CTPS2: variants seen among roughly 807,000 people sequenced by gnomAD.
CTPS2 encodes CTP synthase 2.
CTPS2 carries 19 observed loss-of-function variants against 46.8 expected under a neutral mutation model. The observed-to-expected ratio is 0.41, with a 90% CI of 0.28 to 0.60. The LOEUF (loss-of-function observed/expected upper bound fraction) is 0.60. CTPS2 is among the 20% of genes least tolerant of loss of function. The probability of loss-of-function intolerance (pLI) is 0.35; values close to 1 mark genes in which losing one functional copy is unlikely to be tolerated. For missense variants in CTPS2, 286 were observed against 447.6 expected (o/e 0.64, Z 3.26); for synonymous variants, 151 against 165.2 (o/e 0.91, Z 0.66).
chrX:16,643,187 A>G (rs983028708), intron 13 of CTPS2, among the ~76,000 whole-genome samples: 1 of 111,591 alleles, frequency 9.0e-6, no homozygotes, highest in Non-Finnish European at 1.9e-5. Flanking sequence ...AGTCTACAGG[A>G]GTTAGGTTCT....
chrX:16,634,170 A>G (rs1931624040), intron 14 of CTPS2, among the ~76,000 whole-genome samples: 1 of 112,100 alleles, frequency 8.9e-6, no homozygotes, highest in African/African-American at 3.2e-5. Flanking sequence ...GGAAAAGACC[A>G]TGGATATGCA....
intron 10 of CTPS2, among the ~76,000 whole-genome samples, chrX:16,674,620 C>CTT (rs1922072700): frequency 9.5e-6 from 1 of 105,517 alleles, no homozygotes; most frequent in African/African-American, 3.5e-5. Context: ...GGGCAGATCA[C>CTT]GAGGTCAGGA....
chrX:16,692,419 A>T (rs1250093605), intron 6 of CTPS2, among the ~76,000 whole-genome samples: 1 of 110,545 alleles, frequency 9.0e-6, no homozygotes, highest in Non-Finnish European at 1.9e-5. Context: ...GTGAGCCAAG[A>T]TCACACCACT....
chrX:16,645,962 G>A (rs1430343140), intron 13 of CTPS2, among the ~76,000 whole-genome samples: 1 of 112,382 alleles, frequency 8.9e-6, no homozygotes, highest in Non-Finnish European at 1.9e-5. Flanking sequence ...CTTGATCTGG[G>A]ACTTCCCAGC....
At chrX:16,670,469 A>C (rs770961699) in intron 11 of CTPS2, 111 bp downstream of exon 11, 6 of 553,649 alleles carry the variant, frequency 1.1e-5, no homozygotes, top group African/African-American at 9.4e-5. Flanking sequence ...TGGCACCTGA[A>C]CTTTCAAATC....
At chrX:16,682,239 C>G (rs192899371) in intron 9 of CTPS2, among the ~76,000 whole-genome samples, 2 of 112,469 alleles carry the variant, frequency 1.8e-5, no homozygotes, top group Non-Finnish European at 3.7e-5. Flanking sequence ...AATCCCAGCA[C>G]TTTGAGAGGC....
intron 16 of CTPS2, among the ~76,000 whole-genome samples, chrX:16,612,632 T>C (rs962203488): frequency 8.9e-6 from 1 of 112,478 alleles, no homozygotes; most frequent in African/African-American, 3.2e-5. Flanking sequence ...TTCTAAATGA[T>C]GGGCATTTCC....
chrX:16,670,761 C>T, intron 10 of CTPS2, 87 bp from the exon 11 acceptor site: 1 of 567,527 alleles, frequency 1.8e-6, no homozygotes, highest in Non-Finnish European at 2.8e-6. Context: ...ATGCTTGGTC[C>T]AATCACTAGT....
In CTPS2 at chrX:16,692,281, AACAC is replaced by A. The variant is rs776817822; in HGVS notation, c.640-665_640-662del. Among the ~76,000 whole-genome samples the A allele has an allele frequency of 9.4e-5, 10 of 106,090 alleles. No individual in the cohort carries two copies. The South Asian group carries it at 2.1e-3, about 22-fold the overall frequency. 92.1% of individuals were successfully genotyped at this position (106,090 alleles called of 115,157 possible). On this transcript the variant is annotated intron_variant, in intron 6 of 18. Coordinates refer to ENST00000359276, the MANE Select transcript of CTPS2 (RefSeq NM_175859.3). ...AACATAGCAAAACCCTGTCTCTACA[AACAC>A]ACACACACACACACACACACACCAC...
intron 17 of CTPS2, among the ~76,000 whole-genome samples, chrX:16,603,321 G>T (rs1012115102): frequency 9.1e-6 from 1 of 109,632 alleles, no homozygotes; most frequent in Admixed American, 9.9e-5. Flanking sequence ...GGAGGCTGAG[G>T]CAGAGAATTG....
At chrX:16,700,771 G>C (rs746737601) in intron 2 of CTPS2, among the ~76,000 whole-genome samples, 1 of 111,089 alleles carries the variant, frequency 9.0e-6, no homozygotes, top group Non-Finnish European at 1.9e-5. Flanking sequence ...CAGACTGAAC[G>C]AGAAATCTCT....
chrX:16,664,892 T>C (rs980020301), intron 13 of CTPS2, among the ~76,000 whole-genome samples: 1 of 111,993 alleles, frequency 8.9e-6, no homozygotes, highest in African/African-American at 3.2e-5. Flanking sequence ...ACAGATTATA[T>C]ATAAGGAACT....
chrX:16,677,692 A>G (rs942403472), intron 10 of CTPS2, among the ~76,000 whole-genome samples: 2 of 111,656 alleles, frequency 1.8e-5, no homozygotes, highest in African/African-American at 6.5e-5. Flanking sequence ...TGCTGATAAA[A>G]CAGGTTGCAG....
intron 10 of CTPS2, 144 bp downstream of exon 10, chrX:16,678,218 G>A (rs1922440681): frequency 1.4e-5 from 7 of 501,961 alleles, no homozygotes; most frequent in Non-Finnish European, 1.8e-5. Context: ...CAGTATGATC[G>A]TGGAACAATC....
At chrX:16,616,915 G>A (rs750005393) in intron 16 of CTPS2, among the ~76,000 whole-genome samples, 19 of 111,416 alleles carry the variant, frequency 1.7e-4, no homozygotes, top group Non-Finnish European at 3.0e-4. Context: ...ACCTGGTCTC[G>A]AACTCCTGAC....
At chrX:16,649,104 C>T (rs1332085767) in intron 13 of CTPS2, among the ~76,000 whole-genome samples, 3 of 112,261 alleles carry the variant, frequency 2.7e-5, no homozygotes, top group Non-Finnish European at 5.6e-5. Context: ...AATCAATCTC[C>T]TTGGCAATTT....
At chrX:16,639,335 T>G (rs1176679049) in intron 13 of CTPS2, 92 bp from the exon 14 acceptor site, 1 of 647,137 alleles carries the variant, frequency 1.5e-6, no homozygotes, top group Non-Finnish European at 2.6e-6. Flanking sequence ...GATCATTGGG[T>G]AAGCATGGTC....
intron 2 of CTPS2, among the ~76,000 whole-genome samples, chrX:16,701,890 C>T (rs1014681788): frequency 1.8e-5 from 2 of 111,538 alleles, no homozygotes; most frequent in South Asian, 3.7e-4. Flanking sequence ...TGAGCCACCA[C>T]GCCCGGCAGG....
At chrX:16,666,826 C>G (rs1921227541) in intron 13 of CTPS2, among the ~76,000 whole-genome samples, 1 of 111,717 alleles carries the variant, frequency 9.0e-6, no homozygotes, top group South Asian at 3.8e-4. Flanking sequence ...AGCAGAATCA[C>G]TGTCGCTTTT....
Sources: allele counts gnomAD v4.1 joint callset (sites outside exome capture counted in the v4.1 genomes callset), GRCh38; gene constraint gnomAD v4.1.1; transcripts MANE v1.5; gene names NCBI Gene and HGNC (gene_info 2026-07-23, HGNC 2026-07-21).